Variants in ARHGEF12 observed in about 807,000 individuals in gnomAD.
ARHGEF12 encodes Rho guanine nucleotide exchange factor 12, also known as KMT2A/ARHGEF12 fusion protein.
ARHGEF12 carries 66 observed loss-of-function variants against 211.2 expected under a neutral mutation model. The observed-to-expected ratio is 0.31, with a 90% CI of 0.26 to 0.38. The LOEUF is 0.38. ARHGEF12 is among the 10% of genes least tolerant of loss of function. The probability of loss-of-function intolerance (pLI) is 1.00; values close to 1 mark genes in which losing one functional copy is unlikely to be tolerated. For synonymous variants in ARHGEF12, 592 were observed against 638.4 expected, an observed-to-expected ratio of 0.93 and a Z score of 1.09; for missense variants, 1,429 against 1,869.5, an observed-to-expected ratio of 0.76 and a Z score of 4.34.
At chr11:120,407,008 A>G (rs566230714) in intron 2 of ARHGEF12, among the ~76,000 whole-genome samples, 1 of 152,332 alleles carries the variant, frequency 6.6e-6, no homozygotes, top group East Asian at 1.9e-4. Context: ...CTGTTATCTT[A>G]TCATAAATAT....
At chr11:120,407,323 C>A (rs1309680930) in intron 2 of ARHGEF12, among the ~76,000 whole-genome samples, 2 of 152,140 alleles carry the variant, frequency 1.3e-5, no homozygotes. Context: ...AATGTTAAAC[C>A]GTTCTCATGC....
intron 19 of ARHGEF12, 51 bp from the exon 20 acceptor site, chr11:120,448,183 C>A: frequency 7.4e-7 from 1 of 1,347,804 alleles, no homozygotes; most frequent in Non-Finnish European, 1.0e-6. Flanking sequence ...CTTTATTCTA[C>A]CAACCCTCCC....
Position 120,460,736 on chromosome 11 carries a change from T to TG in ARHGEF12, c.2596dup (p.Glu866GlyfsTer25). ...ATGAGACCTCTGTTATCGATCAGAT[T>TG]GGGGAAGATTTGCTGACATGGGTAA... is the stretch of plus-strand genomic sequence containing the variant. On this transcript the variant is annotated frameshift_variant, in exon 27 of 41. Coordinates refer to ENST00000397843, the MANE Select transcript of ARHGEF12 (RefSeq NM_015313.3). LOFTEE classifies it high-confidence loss of function. 6.2e-7 allele frequency: 1 copy of TG among 1,613,838 alleles called. No homozygotes were observed. Among genetic ancestry groups the TG allele is most frequent in the East Asian group, 2.2e-5 (1 of 44,836 alleles).
intron 3 of ARHGEF12, chr11:120,408,194 T>C (rs1182224828): frequency 1.2e-5 from 2 of 163,596 alleles, no homozygotes; most frequent in African/African-American, 4.8e-5. Context: ...ACTTGCGTAG[T>C]CATCTAAAAA....
intron 1 of ARHGEF12, among the ~76,000 whole-genome samples, chr11:120,378,614 C>G (rs1224096500): frequency 6.6e-6 from 1 of 152,092 alleles, no homozygotes; most frequent in Non-Finnish European, 1.5e-5. Flanking sequence ...TAGTTTAGCT[C>G]TTATGTTTAG....
rs12419759 is a variant in ARHGEF12 at position 120,343,398 on chromosome 11, A to G, written c.32+6123A>G. On this transcript the variant is annotated intron_variant, in intron 1 of 40. Coordinates refer to ENST00000397843, the MANE Select transcript of ARHGEF12 (RefSeq NM_015313.3). ...TATCTGGAATCATCAAGATAGTCAT[A>G]TAGGGAAGACCGCTATAAGACAGCT... is the stretch of plus-strand genomic sequence containing the variant. Among the ~76,000 whole-genome samples the G allele has an allele frequency of 2.6e-3, 401 of 152,362 alleles. 5 individuals are homozygous for G. Among genetic ancestry groups the G allele is most frequent in the Admixed American group, 0.02 (305 of 15,310 alleles).
intron 1 of ARHGEF12, among the ~76,000 whole-genome samples, chr11:120,370,269 A>G (rs747716256): frequency 7.9e-5 from 12 of 152,150 alleles, no homozygotes; most frequent in Admixed American, 2.0e-4. Flanking sequence ...ACTGATGGGT[A>G]GCACTATCCT....
At chr11:120,400,934 C>T (rs1341252088) in intron 1 of ARHGEF12, among the ~76,000 whole-genome samples, 1 of 152,074 alleles carries the variant, frequency 6.6e-6, no homozygotes, top group Non-Finnish European at 1.5e-5. Flanking sequence ...CTCTTTGGTC[C>T]CTGCCTGTCT....
intron 7 of ARHGEF12, among the ~76,000 whole-genome samples, chr11:120,427,207 C>T (rs900933307): frequency 1.3e-5 from 2 of 151,932 alleles, no homozygotes; most frequent in Non-Finnish European, 2.9e-5. Flanking sequence ...TCTAGATTCC[C>T]GCCCCCCGCA....
chr11:120,452,154 G>C (rs1946232460), intron 22 of ARHGEF12, among the ~76,000 whole-genome samples: 1 of 152,174 alleles, frequency 6.6e-6, no homozygotes, highest in African/African-American at 2.4e-5. Flanking sequence ...AGATTAACTA[G>C]AGGTTTTATT....
At chr11:120,455,066 A>C (rs760751349) in intron 22 of ARHGEF12, among the ~76,000 whole-genome samples, 1 of 152,194 alleles carries the variant, frequency 6.6e-6, no homozygotes, top group Non-Finnish European at 1.5e-5. Flanking sequence ...AAGTCAAGGA[A>C]ATATTTTAGA....
chr11:120,426,608 T>C (rs963306969), intron 7 of ARHGEF12, among the ~76,000 whole-genome samples: 1 of 152,208 alleles, frequency 6.6e-6, no homozygotes, highest in African/African-American at 2.4e-5. Context: ...AATAGATGAC[T>C]TTCTGATAGA....
intron 1 of ARHGEF12, among the ~76,000 whole-genome samples, chr11:120,374,050 G>A (rs1308209489): frequency 6.6e-6 from 1 of 152,064 alleles, no homozygotes; most frequent in Non-Finnish European, 1.5e-5. Flanking sequence ...CAGGTGATCC[G>A]CCCGCCTTGG....
chr11:120,421,750 A>G, intron 5 of ARHGEF12, 53 bp from the exon 6 acceptor site: 1 of 1,511,422 alleles, frequency 6.6e-7, no homozygotes, highest in South Asian at 1.1e-5. Context: ...TGTCAGGAAG[A>G]TGATCAGTAA....
intron 1 of ARHGEF12, among the ~76,000 whole-genome samples, chr11:120,393,121 G>T (rs570372619): frequency 6.6e-6 from 1 of 152,144 alleles, no homozygotes; most frequent in African/African-American, 2.4e-5. Flanking sequence ...ATTGTCAGGC[G>T]TATGCTCAGC....
At chr11:120,350,920 G>T (rs1055733984) in intron 1 of ARHGEF12, among the ~76,000 whole-genome samples, 6 of 152,114 alleles carry the variant, frequency 3.9e-5, no homozygotes, top group Non-Finnish European at 8.8e-5. Flanking sequence ...TGATCTTTTG[G>T]TCAGAGAAGG....
intron 13 of ARHGEF12, among the ~76,000 whole-genome samples, chr11:120,440,593 T>C (rs1041120697): frequency 6.6e-5 from 10 of 152,214 alleles, no homozygotes; most frequent in South Asian, 2.1e-4. Context: ...TATTATTTCT[T>C]GGTGCTTTTA....
At chr11:120,370,748 CTCTT>C (rs953987145) in intron 1 of ARHGEF12, among the ~76,000 whole-genome samples, 1 of 152,024 alleles carries the variant, frequency 6.6e-6, no homozygotes, top group African/African-American at 2.4e-5. Flanking sequence ...GTTGGTCAGT[CTCTT>C]TCTTTCCCTC....
At chr11:120,443,675 C>T (rs1035741685) in intron 15 of ARHGEF12, among the ~76,000 whole-genome samples, 1 of 152,032 alleles carries the variant, frequency 6.6e-6, no homozygotes. Context: ...TATTTTTGTC[C>T]ATAGAACTTT....
Sources: allele counts gnomAD v4.1 joint callset (sites outside exome capture counted in the v4.1 genomes callset), GRCh38; gene constraint gnomAD v4.1.1; transcripts MANE v1.5; gene names NCBI Gene and HGNC (gene_info 2026-07-23, HGNC 2026-07-21).